The following GOSR2 variants were observed in gnomAD, a reference collection of about 807,000 sequenced individuals.
The protein encoded by GOSR2 is golgi SNAP receptor complex member 2, also known as 27 kDa Golgi SNARE protein.
Under a neutral mutation model 27.9 loss-of-function variants are expected in GOSR2, and 20 were observed. That is an observed-to-expected ratio of 0.72 (90% confidence interval 0.50 to 1.04). The LOEUF is 1.04. GOSR2 is among the 50% of genes least tolerant of loss of function. The pLI, the probability that GOSR2 is intolerant of heterozygous loss-of-function variation, is 0.00. For missense variants in GOSR2, 261 were observed against 270.5 expected (o/e 0.97, Z 0.25); for synonymous variants, 91 against 98.8 (o/e 0.92, Z 0.47).
At chr17:46,927,800 T>TTCC (rs1403639806) in intron 1 of GOSR2, among the ~76,000 whole-genome samples, 1 of 152,156 alleles carries the variant, frequency 6.6e-6, no homozygotes, top group Non-Finnish European at 1.5e-5. Context: ...GGACAAGTCA[T>TTCC]TCCTCCCCCT....
chr17:46,960,530 T>G lies in GOSR2; in HGVS notation c.584-6004T>G, dbSNP rs536343639. 2.0e-5 allele frequency among the ~76,000 whole-genome samples: 3 copies of G among 152,352 alleles called. No homozygotes were observed. In the East Asian group the frequency reaches 5.8e-4, roughly 29 times the overall value. On this transcript the variant is annotated intron_variant, in intron 6 of 6. Coordinates refer to the GOSR2 transcript ENST00000573224. ...TTTACCCAAGTGAAAGGAAAACTTT[T>G]GTTCACACATACATAAAAAAACTCT...
At chr17:46,936,140 C>T (rs1599030456) in intron 5 of GOSR2, 1 of 985,786 alleles carries the variant, frequency 1.0e-6, no homozygotes, top group South Asian at 4.7e-5. Context: ...GAAGGGTGGT[C>T]TCCAGCAGCC....
intron 4 of GOSR2, among the ~76,000 whole-genome samples, chr17:46,934,476 C>T (rs1336766578): frequency 6.6e-6 from 1 of 152,072 alleles, no homozygotes; most frequent in East Asian, 1.9e-4. Context: ...GAGCTGAGAT[C>T]GCGCCACTGC....
Position 46,940,265 on chromosome 17 carries a change from A to G in GOSR2, c.*1505A>G. 1 of 1,425,838 alleles carries G rather than the reference A, an allele frequency of 7.0e-7. No homozygotes were observed. The highest frequency in any genetic ancestry group is 9.1e-7 in the Non-Finnish European group (1 of 1,094,288). The allele number at this position is 1,425,838 out of a possible 1,614,324, so 88.3% of individuals were successfully genotyped here. On this transcript the variant is annotated 3_prime_UTR_variant, in exon 6 of 6. Coordinates refer to ENST00000640051, the MANE Select transcript of GOSR2 (RefSeq NM_004287.5). ...AATTTCACACTTTCGGTTGGAGGAG[A>G]TCTCCATTGTTCCTACCCCTCCGGG...
chr17:46,929,134 C>T (rs745888432), intron 1 of GOSR2, among the ~76,000 whole-genome samples: 9 of 152,106 alleles, frequency 5.9e-5, no homozygotes, highest in Admixed American at 3.9e-4. Flanking sequence ...CACATTAGGT[C>T]GTAGAACAGA....
At position 46,939,658 on chromosome 17, in the gene GOSR2, A is replaced by G. The variant is rs985769133; in HGVS notation, c.*898A>G. The G allele has an allele frequency of 1.0e-5, 10 of 985,600 alleles. No homozygotes were observed. Among genetic ancestry groups the G allele is most frequent in the Non-Finnish European group, 9.6e-6 (8 of 830,196 alleles). 61.1% of individuals were successfully genotyped at this position (985,600 alleles called of 1,614,324 possible). On this transcript the variant is annotated 3_prime_UTR_variant, in exon 6 of 6. Transcript: ENST00000640051. The stretch of plus-strand genomic sequence containing the variant: ...GGTTCCCTTCTCTTCCCTGAAATAT[A>G]TTAGCACCTGCCAGCCAGGCCCTCA...
chr17:46,964,707 C>G (rs2091236469), intron 6 of GOSR2: 1 of 152,322 alleles, frequency 6.6e-6, no homozygotes, highest in South Asian at 2.1e-4. Flanking sequence ...GAGATGGGAG[C>G]TGACAGCCTA....
intron 6 of GOSR2, chr17:46,948,579 G>A (rs995773905): frequency 2.0e-5 from 3 of 152,260 alleles, no homozygotes; most frequent in Admixed American, 1.3e-4. Context: ...CAGTGTCCTC[G>A]TAGGGGAAAT....
rs901416881 is a variant in GOSR2, at chr17:46,940,271, A to T, written c.*1511A>T. On this transcript the variant is annotated 3_prime_UTR_variant, in exon 6 of 6. Transcript: ENST00000640051. Reference sequence around the variant, plus strand: ...ACACTTTCGGTTGGAGGAGATCTCCATTGTTCCTACCCCTCCGGGCCAAAT... The same window carrying T: ...ACACTTTCGGTTGGAGGAGATCTCCTTTGTTCCTACCCCTCCGGGCCAAAT... The T allele has an allele frequency of 4.2e-6, 6 of 1,431,350 alleles. No individual in the cohort carries two copies. The highest frequency in any genetic ancestry group is 2.5e-5 in the East Asian group (1 of 39,954). 88.7% of individuals were successfully genotyped at this position (1,431,350 alleles called of 1,614,324 possible).
intron 6 of GOSR2, among the ~76,000 whole-genome samples, chr17:46,958,549 T>A (rs2090869983): frequency 6.6e-6 from 1 of 152,216 alleles, no homozygotes; most frequent in Admixed American, 6.5e-5. Context: ...GAGACGTCTG[T>A]GTGAGCTCCT....
At chr17:46,953,083 C>T (rs562819011) in intron 6 of GOSR2, among the ~76,000 whole-genome samples, 2 of 151,708 alleles carry the variant, frequency 1.3e-5, no homozygotes, top group African/African-American at 4.8e-5. Context: ...TTTTAGGGTA[C>T]ATGTACACAA....
chr17:46,969,124 C>T (rs985258080), downstream of GOSR2, among the ~76,000 whole-genome samples: 2 of 152,232 alleles, frequency 1.3e-5, no homozygotes, highest in South Asian at 4.1e-4. Flanking sequence ...AAGCCGATCT[C>T]GCTCTGGCTC....
chr17:46,968,902 C>G (rs2091362960), downstream of GOSR2: 1 of 152,334 alleles, frequency 6.6e-6, no homozygotes, highest in Non-Finnish European at 1.5e-5. Context: ...ACCCCAAAAG[C>G]AGGACTTTTA....
chr17:46,938,322 A>G (rs1325299344), intron 5 of GOSR2, among the ~76,000 whole-genome samples: 1 of 152,200 alleles, frequency 6.6e-6, no homozygotes, highest in African/African-American at 2.4e-5. Context: ...AGAGATACAT[A>G]TATATAAAAT....
At chr17:46,968,936 T>C (rs1382949905), downstream of GOSR2, 1 of 152,414 alleles carries the variant, frequency 6.6e-6, no homozygotes, top group Non-Finnish European at 1.5e-5. Context: ...GTAATTCTCA[T>C]GAGGTTGAAA....
chr17:46,943,509 T>A (rs1004795608), downstream of GOSR2, among the ~76,000 whole-genome samples: 5 of 152,078 alleles, frequency 3.3e-5, no homozygotes, highest in Non-Finnish European at 7.4e-5. Context: ...CCATGAAACC[T>A]CCAAGAAGCC....
At chr17:46,960,956 G>A (rs765442671) in intron 6 of GOSR2, among the ~76,000 whole-genome samples, 12 of 151,928 alleles carry the variant, frequency 7.9e-5, no homozygotes, top group East Asian at 1.9e-4. Context: ...AGTGCTCTAC[G>A]TCAAAAAAGT....
intron 6 of GOSR2, among the ~76,000 whole-genome samples, chr17:46,962,852 G>A (rs1181483645): frequency 1.3e-5 from 2 of 152,206 alleles, no homozygotes; most frequent in East Asian, 3.8e-4. Flanking sequence ...TAGTTATGCA[G>A]TTATAGATAA....
chr17:46,935,097 C>A lies in GOSR2; in HGVS notation c.405C>A (p.Asn135Lys). Residue 135 changes from asparagine to lysine, a missense_variant, in exon 5 of 6, where the codon AAC (asparagine) becomes AAA (lysine). Coordinates refer to ENST00000640051, the MANE Select transcript of GOSR2 (RefSeq NM_004287.5). Reference sequence around the variant, plus strand: ...ACTCCTCCCTCCAGAAAGTTCACAACGGCATGGATGACCTCATTTTAGATG... The same window carrying A: ...ACTCCTCCCTCCAGAAAGTTCACAAAGGCATGGATGACCTCATTTTAGATG... ...QFNSSLQKVHNGMDDLILDGH... is the reference protein window; with the variant it reads ...QFNSSLQKVHKGMDDLILDGH... 6.2e-7 allele frequency: 1 copy of A among 1,612,658 alleles called. No homozygotes were observed. Among genetic ancestry groups the A allele is most frequent in the Non-Finnish European group, 8.5e-7 (1 of 1,178,614 alleles).
Sources: gnomAD v4.1 joint callset for allele counts (sites outside exome capture counted in the v4.1 genomes callset) on GRCh38, gnomAD v4.1.1 for gene constraint, MANE v1.5 for transcripts, NCBI Gene and HGNC (gene_info 2026-07-23, HGNC 2026-07-21) for gene names.